TEX26: variants seen among roughly 807,000 people sequenced by gnomAD.
The protein encoded by TEX26 is testis expressed 26, also known as testis-expressed protein 26.
In TEX26, 34 loss-of-function variants were observed where a neutral mutation model predicts 35.3. That is an observed-to-expected ratio of 0.96 (90% confidence interval 0.73 to 1.28). TEX26 has a LOEUF of 1.28. TEX26 is among the 50% of genes most tolerant of loss of function. The pLI is 0.00. For missense variants in TEX26, 371 were observed against 330.1 expected (o/e 1.12, Z -0.96); for synonymous variants, 136 against 111.8 (o/e 1.22, Z -1.36).
At chr13:30,940,938 AAAAC>A (rs544908061) in intron 2 of TEX26, among the ~76,000 whole-genome samples, 9 of 152,234 alleles carry the variant, frequency 5.9e-5, no homozygotes, top group Middle Eastern at 6.8e-3. Flanking sequence ...GCTCTGTCTC[AAAAC>A]AAACAAACAA....
chr13:30,939,471 C>A (rs1183364478), intron 1 of TEX26, among the ~76,000 whole-genome samples: 1 of 152,146 alleles, frequency 6.6e-6, no homozygotes, highest in Admixed American at 6.5e-5. Context: ...TGCATGAATG[C>A]TCAGGAGAAA....
chr13:30,950,968 A>T (rs1304403052), intron 2 of TEX26, among the ~76,000 whole-genome samples: 1 of 152,234 alleles, frequency 6.6e-6, no homozygotes, highest in Non-Finnish European at 1.5e-5. Context: ...GTTTGTTCTC[A>T]GGTGGATATG....
chr13:30,950,488 C>T (rs7318879), intron 2 of TEX26, among the ~76,000 whole-genome samples: 37,111 of 152,034 alleles, frequency 0.24, 4,663 homozygotes, highest in East Asian at 0.44. Context: ...TGGTATGTCC[C>T]AGAGATAAGA....
In TEX26 at chr13:30,956,888, A is replaced by G. The variant is rs1243392207; in HGVS notation, c.328A>G (p.Thr110Ala). The G allele has an allele frequency of 2.4e-5, 38 of 1,614,018 alleles. No homozygotes were observed. Among genetic ancestry groups the G allele is most frequent in the Non-Finnish European group, 3.2e-5 (38 of 1,180,012 alleles). ...SHLNEDIFLW[T>A]LPHCQQTGTL... ...GCTTTGATAGGACATTTTCCTGTGGACACTACCTCACTGTCAACAAACGGG... is the reference window on the plus strand; with the variant it reads ...GCTTTGATAGGACATTTTCCTGTGGGCACTACCTCACTGTCAACAAACGGG... The change falls in exon 4 of 7, where the codon ACA becomes GCA. Residue 110 changes from threonine (T) to alanine (A), a missense_variant. Thr to Ala is a moderately conservative substitution (Grantham distance 58). Coordinates refer to ENST00000380473, the MANE Select transcript of TEX26 (RefSeq NM_152325.3).
Position 30,956,966 on chromosome 13 carries a change from A to G in TEX26, c.406A>G (p.Asn136Asp), listed in dbSNP as rs955679000. The G allele has an allele frequency of 2.5e-6, 4 of 1,614,118 alleles. No homozygotes were observed. Among genetic ancestry groups the G allele is most frequent in the African/African-American group, 1.3e-5 (1 of 74,948 alleles). The change falls in exon 4 of 7, where the codon AAC becomes GAC. Residue 136 changes from asparagine (N) to aspartate (D), a missense_variant. Transcript: ENST00000380473. ...AATCCCGGCTTCAATGAAAGAAGTT[A>G]ACAAGGCACTATCAAATCAGTTTAT... ...WKIPASMKEV[N>D]KALSNQFISL...
chr13:30,973,921 G>A lies in TEX26; in HGVS notation c.809-925G>A, dbSNP rs570651760. Reference sequence around the variant, plus strand: ...TCCCAGCACTTTGGGAAGCCGAGGCGGGTGGATCACTTGAGGTCAGGAGTC... The same window carrying A: ...TCCCAGCACTTTGGGAAGCCGAGGCAGGTGGATCACTTGAGGTCAGGAGTC... On this transcript the variant is annotated intron_variant, in intron 6 of 6. Transcript: ENST00000380473. Among the ~76,000 whole-genome samples, 30 of 151,716 alleles carry A rather than the reference G, an allele frequency of 2.0e-4. No individual in the cohort carries two copies. The South Asian group carries it at 5.0e-3, about 25-fold the overall frequency.
chr13:30,963,202 A>G (rs1954412786), intron 4 of TEX26, among the ~76,000 whole-genome samples: 1 of 152,076 alleles, frequency 6.6e-6, no homozygotes, highest in African/African-American at 2.4e-5. Flanking sequence ...GCCATACCTA[A>G]TCTTAAATGG....
At chr13:30,968,490 C>A (rs1010004789) in intron 5 of TEX26, among the ~76,000 whole-genome samples, 1 of 152,174 alleles carries the variant, frequency 6.6e-6, no homozygotes, top group Non-Finnish European at 1.5e-5. Context: ...TGTCTGCAGG[C>A]CTTCTCAACA....
intron 4 of TEX26, among the ~76,000 whole-genome samples, chr13:30,963,516 CA>C (rs1954425850): frequency 6.6e-6 from 1 of 152,142 alleles, no homozygotes; most frequent in Admixed American, 6.5e-5. Context: ...ATGGAATGAA[CA>C]ATATATAGTT....
intron 2 of TEX26, among the ~76,000 whole-genome samples, chr13:30,944,142 A>G (rs1423843195): frequency 6.6e-6 from 1 of 151,652 alleles, no homozygotes; most frequent in South Asian, 2.1e-4. Flanking sequence ...ACTGCGTGTT[A>G]TTGGTCTGCT....
intron 4 of TEX26, among the ~76,000 whole-genome samples, chr13:30,958,404 A>G (rs1406248344): frequency 1.3e-5 from 2 of 152,242 alleles, no homozygotes; most frequent in Non-Finnish European, 2.9e-5. Flanking sequence ...ACGCTGGTGC[A>G]TGGCTCTAAG....
rs753857773 is a variant in TEX26, at chr13:30,966,217, C to T, written c.470-5C>T. On this transcript the variant is annotated splice_polypyrimidine_tract_variant and splice_region_variant and intron_variant, in intron 4 of 6. Coordinates refer to ENST00000380473, the MANE Select transcript of TEX26 (RefSeq NM_152325.3). ...GTATTGCCTTCCATTTCCATTCCAC[C>T]CCAGCTCAGAAGATTAAGAAAAGTT... 6.2e-7 allele frequency: 1 copy of T among 1,613,832 alleles called. No individual in the cohort carries two copies. The highest frequency in any genetic ancestry group is 1.7e-5 in the Admixed American group (1 of 60,010).
At position 30,967,563 on chromosome 13, in the gene TEX26, C is replaced by T. The variant is rs1303740295; in HGVS notation, c.646+1165C>T. ...TATGCCTTCTAAGTCTTCTCTTTTC[C>T]AGTTAAAGCATTTCCAGGCCCTACA... On this transcript the variant is annotated intron_variant, in intron 5 of 6. Coordinates refer to ENST00000380473, the MANE Select transcript of TEX26 (RefSeq NM_152325.3). Among the ~76,000 whole-genome samples the T allele has an allele frequency of 5.9e-5, 9 of 152,258 alleles. No individual in the cohort carries two copies. In the South Asian group the frequency reaches 1.7e-3, roughly 28 times the overall value.
At chr13:30,943,843 T>C (rs1953604187) in intron 2 of TEX26, among the ~76,000 whole-genome samples, 1 of 152,068 alleles carries the variant, frequency 6.6e-6, no homozygotes, top group South Asian at 2.1e-4. Context: ...ATCTTTTCGA[T>C]GTGCTATTGA....
chr13:30,942,461 T>G (rs773207276), intron 2 of TEX26, among the ~76,000 whole-genome samples: 59 of 152,286 alleles, frequency 3.9e-4, no homozygotes, highest in Non-Finnish European at 2.2e-4. Context: ...TCTCCTATTC[T>G]GTGGGTTGTC....
Position 30,952,842 on chromosome 13 carries a change from AT to A in TEX26, c.312+18del. 1 of 1,606,096 alleles carries A rather than the reference AT, an allele frequency of 6.2e-7. No individual in the cohort carries two copies. Among genetic ancestry groups the A allele is most frequent in the Non-Finnish European group, 8.5e-7 (1 of 1,174,994 alleles). The stretch of plus-strand genomic sequence containing the variant: ...CTCAATGAAGTAAGATAATATCTAC[AT>A]ATGTGTTGAATTTAATACTGTACTG... On this transcript the variant is annotated intron_variant, in intron 3 of 6. Coordinates refer to ENST00000380473, the MANE Select transcript of TEX26 (RefSeq NM_152325.3).
chr13:30,942,035 C>T (rs536287878), intron 2 of TEX26, among the ~76,000 whole-genome samples: 88 of 152,226 alleles, frequency 5.8e-4, no homozygotes, highest in African/African-American at 2.1e-3. Flanking sequence ...CTAGTGGTGG[C>T]ATTGCTGGAT....
At chr13:30,973,915 C>T (rs961475537) in intron 6 of TEX26, among the ~76,000 whole-genome samples, 9 of 151,372 alleles carry the variant, frequency 5.9e-5, no homozygotes, top group African/African-American at 9.7e-5. Context: ...TTTGGGAAGC[C>T]GAGGCGGGTG....
chr13:30,967,992 A>C (rs1026751013), intron 5 of TEX26, among the ~76,000 whole-genome samples: 2 of 152,212 alleles, frequency 1.3e-5, no homozygotes, highest in South Asian at 2.1e-4. Context: ...CTGAAAGAAG[A>C]AGCTTCTATG....
Sources: allele counts gnomAD v4.1 joint callset (sites outside exome capture counted in the v4.1 genomes callset), GRCh38; gene constraint gnomAD v4.1.1; transcripts MANE v1.5; gene names NCBI Gene and HGNC (gene_info 2026-07-23, HGNC 2026-07-21).